PRKD1: variants seen among roughly 807,000 people sequenced by gnomAD.
PRKD1 encodes protein kinase D1.
A neutral mutation model predicts 95.9 loss-of-function variants in PRKD1; 63 were observed. The ratio of observed to expected loss-of-function variants is 0.66; its 90% CI spans 0.54 to 0.81. The LOEUF is 0.81. Among genes scored for constraint, PRKD1 ranks in the 30% least tolerant of loss-of-function variants. PRKD1 has a pLI of 0.00. For synonymous variants in PRKD1, 425 were observed against 423.1 expected, an observed-to-expected ratio of 1.00 and a Z score of -0.05; for missense variants, 1,048 against 1,165.3, an observed-to-expected ratio of 0.90 and a Z score of 1.47.
At chr14:29,689,642 T>C (rs568342178) in intron 2 of PRKD1, among the ~76,000 whole-genome samples, 2 of 152,302 alleles carry the variant, frequency 1.3e-5, no homozygotes, top group East Asian at 3.9e-4. Context: ...CAAAGGAATA[T>C]AAATCATTCT....
chr14:29,669,727 G>A (rs1302463693), intron 2 of PRKD1, among the ~76,000 whole-genome samples: 1 of 152,112 alleles, frequency 6.6e-6, no homozygotes, highest in Admixed American at 6.6e-5. Flanking sequence ...AATTAGCTGG[G>A]CATGGTGGCA....
intron 1 of PRKD1, among the ~76,000 whole-genome samples, chr14:29,766,688 A>AT (rs1888274387): frequency 1.3e-5 from 2 of 152,206 alleles, no homozygotes; most frequent in South Asian, 4.1e-4. Context: ...TGGCTACCAA[A>AT]TATGATCCAA....
intron 1 of PRKD1, among the ~76,000 whole-genome samples, chr14:29,848,690 A>G (rs1892180064): frequency 6.6e-6 from 1 of 152,226 alleles, no homozygotes; most frequent in African/African-American, 2.4e-5. Flanking sequence ...ATCCATACAA[A>G]GAAACAGAAA....
At chr14:29,669,872 A>C (rs1269970072) in intron 2 of PRKD1, among the ~76,000 whole-genome samples, 1 of 152,208 alleles carries the variant, frequency 6.6e-6, no homozygotes, top group African/African-American at 2.4e-5. Context: ...TGTCTCAAAA[A>C]ACAAAAAACA....
intron 1 of PRKD1, among the ~76,000 whole-genome samples, chr14:29,897,852 A>G (rs990730104): frequency 7.9e-5 from 12 of 152,146 alleles, no homozygotes; most frequent in Admixed American, 3.9e-4. Context: ...TTGATAAAAG[A>G]TAAAACTCAG....
At chr14:29,832,624 T>TTGTA (rs1438710502) in intron 1 of PRKD1, among the ~76,000 whole-genome samples, 1 of 152,112 alleles carries the variant, frequency 6.6e-6, no homozygotes, top group Non-Finnish European at 1.5e-5. Flanking sequence ...ACACCCTTAT[T>TTGTA]TGTAACCTCC....
intron 1 of PRKD1, among the ~76,000 whole-genome samples, chr14:29,880,786 T>G (rs1893482333): frequency 6.6e-6 from 1 of 152,208 alleles, no homozygotes; most frequent in Non-Finnish European, 1.5e-5. Flanking sequence ...GTGACCTGGA[T>G]GTGAGACCTG....
rs1322361546 is a variant in PRKD1, at chr14:29,927,681, C to G, written c.-169G>C. On this transcript the variant is annotated 5_prime_UTR_variant, in exon 1 of 18. Coordinates refer to ENST00000331968, the MANE Select transcript of PRKD1 (RefSeq NM_002742.3). ...TGGGGGAGGGCAAGGGGATGAGGAT[C>G]GGGAGGGGAGGGGACTAAGGGGAGG... 10 of 120,004 alleles carry G rather than the reference C, an allele frequency of 8.3e-5. No homozygotes were observed. Among genetic ancestry groups the G allele is most frequent in the Non-Finnish European group, 1.2e-4 (8 of 64,096 alleles). 7.4% of individuals were successfully genotyped at this position (120,004 alleles called of 1,614,324 possible).
intron 1 of PRKD1, among the ~76,000 whole-genome samples, chr14:29,806,567 T>A (rs1490849016): frequency 1.3e-5 from 2 of 152,188 alleles, no homozygotes; most frequent in Non-Finnish European, 2.9e-5. Flanking sequence ...AATAAAGTAG[T>A]TGTTTGGTTA....
intron 1 of PRKD1, among the ~76,000 whole-genome samples, chr14:29,797,330 G>A (rs1889861704): frequency 6.6e-6 from 1 of 152,118 alleles, no homozygotes; most frequent in South Asian, 2.1e-4. Flanking sequence ...GGTAATAATT[G>A]ATCAAATGCA....
intron 1 of PRKD1, among the ~76,000 whole-genome samples, chr14:29,877,828 T>C (rs1232319465): frequency 6.6e-6 from 1 of 152,230 alleles, no homozygotes; most frequent in Non-Finnish European, 1.5e-5. Flanking sequence ...TAAATCATTC[T>C]ATCATAAAGA....
intron 4 of PRKD1, among the ~76,000 whole-genome samples, chr14:29,650,099 C>T (rs1881396392): frequency 6.6e-6 from 1 of 152,110 alleles, no homozygotes; most frequent in African/African-American, 2.4e-5. Flanking sequence ...CCACTCTCGC[C>T]ACCTCCGGTT....
chr14:29,923,563 C>T (rs960925001), intron 1 of PRKD1, among the ~76,000 whole-genome samples: 1 of 152,046 alleles, frequency 6.6e-6, no homozygotes, highest in Admixed American at 6.5e-5. Flanking sequence ...ATGCTACTTT[C>T]AAACCAAGGC....
At position 29,629,090 on chromosome 14, in the gene PRKD1, T is replaced by A. The variant is rs1879817236; in HGVS notation, c.1676A>T (p.Asp559Val). Reference sequence around the variant, plus strand: ...TGATACTGAAATACTCACAGAGATATCTCCTGGAAATGCATGTAAAACAAT... The same window carrying A: ...TGATACTGAAATACTCACAGAGATAACTCCTGGAAATGCATGTAAAACAAT... ...SVGTGTNLHR[D>V]ISVSISVSNC... Residue 559 changes from aspartate (D) to valine (V), a missense_variant, in exon 11 of 18, where the codon GAT (aspartate) becomes GTT (valine). By Grantham distance (152) the Asp-to-Val change is radical (BLOSUM62 -3). Coordinates refer to ENST00000331968, the MANE Select transcript of PRKD1 (RefSeq NM_002742.3). 1 of 1,607,988 alleles carries A rather than the reference T, an allele frequency of 6.2e-7. No individual in the cohort carries two copies. The highest frequency in any genetic ancestry group is 1.7e-5 in the Admixed American group (1 of 58,830).
At chr14:29,690,352 T>C (rs1211043971) in intron 2 of PRKD1, among the ~76,000 whole-genome samples, 1 of 152,192 alleles carries the variant, frequency 6.6e-6, no homozygotes, top group African/African-American at 2.4e-5. Flanking sequence ...AACACCAAAT[T>C]CAACAACTTC....
At chr14:29,917,521 A>G (rs1328565675) in intron 1 of PRKD1, among the ~76,000 whole-genome samples, 1 of 152,190 alleles carries the variant, frequency 6.6e-6, no homozygotes, top group Non-Finnish European at 1.5e-5. Context: ...TGATACATGG[A>G]TTTCATATTT....
intron 3 of PRKD1, among the ~76,000 whole-genome samples, chr14:29,664,962 T>A (rs1882400665): frequency 6.6e-6 from 1 of 152,216 alleles, no homozygotes; most frequent in African/African-American, 2.4e-5. Context: ...CTGACTTATT[T>A]ACTAGGCAAA....
At chr14:29,631,322 A>T (rs1834125203) in intron 9 of PRKD1, among the ~76,000 whole-genome samples, 1 of 152,164 alleles carries the variant, frequency 6.6e-6, no homozygotes, top group Non-Finnish European at 1.5e-5. Context: ...CTTAGAAAAT[A>T]AGCGATAATT....
At chr14:29,629,962 CCTT>C (rs1879873379) in intron 10 of PRKD1, among the ~76,000 whole-genome samples, 1 of 148,320 alleles carries the variant, frequency 6.7e-6, no homozygotes, top group Admixed American at 6.8e-5. Context: ...TTCTCCTTCT[CCTT>C]CTTCCTTTTC....
Sources: gnomAD v4.1 joint callset for allele counts (sites outside exome capture counted in the v4.1 genomes callset) on GRCh38, gnomAD v4.1.1 for gene constraint, MANE v1.5 for transcripts, NCBI Gene and HGNC (gene_info 2026-07-23, HGNC 2026-07-21) for gene names.